MYRIP: variants seen among roughly 807,000 people sequenced by gnomAD.
The protein encoded by MYRIP is rab effector MyRIP.
A neutral mutation model predicts 98.0 loss-of-function variants in MYRIP; 49 were observed. The ratio of observed to expected loss-of-function variants is 0.50; its 90% CI spans 0.40 to 0.63. The LOEUF (loss-of-function observed/expected upper bound fraction) is 0.63. Ranked by LOEUF, MYRIP falls within the 30% of genes least tolerant of loss-of-function variation. The pLI is 0.00. For synonymous variants in MYRIP, 404 were observed against 409.5 expected (o/e 0.99, Z 0.16); for missense variants, 1,004 against 1,058.2 (o/e 0.95, Z 0.71).
At chr3:39,847,921 T>C (rs1351925442) in intron 1 of MYRIP, among the ~76,000 whole-genome samples, 2 of 152,212 alleles carry the variant, frequency 1.3e-5, no homozygotes, top group African/African-American at 4.8e-5. Context: ...AACCTGGGCA[T>C]GATTAGGGCT....
rs1394182664 is a variant in MYRIP, at chr3:40,003,955, A to C, written c.111-40095A>C. Among the ~76,000 whole-genome samples the C allele has an allele frequency of 1.3e-5, 2 of 152,180 alleles. 1 individual carries two copies. Among genetic ancestry groups the C allele is most frequent in the South Asian group, 4.1e-4 (2 of 4,832 alleles). On this transcript the variant is annotated intron_variant, in intron 2 of 16. Coordinates refer to ENST00000302541, the MANE Select transcript of MYRIP (RefSeq NM_015460.4). ...CTGTCAAGTTTATTAATTTCCTGCTATGCCCACCTGCCATCTGTCTTTTCT... is the reference window on the plus strand; with the variant it reads ...CTGTCAAGTTTATTAATTTCCTGCTCTGCCCACCTGCCATCTGTCTTTTCT...
In MYRIP at chr3:40,083,291, G is replaced by A. The variant is rs77253503; in HGVS notation, c.332+39020G>A. Among the ~76,000 whole-genome samples the A allele has an allele frequency of 2.7e-3, 410 of 152,298 alleles. 1 individual carries two copies. Among genetic ancestry groups the A allele is most frequent in the African/African-American group, 9.4e-3 (391 of 41,562 alleles). On this transcript the variant is annotated intron_variant, in intron 3 of 16. Transcript: ENST00000302541. ...TTCAGACAGTAGGGATGACAGATGTGGCATTATAGTTCCTCTTGAAGGATT... is the reference window on the plus strand; with the variant it reads ...TTCAGACAGTAGGGATGACAGATGTAGCATTATAGTTCCTCTTGAAGGATT...
intron 2 of MYRIP, among the ~76,000 whole-genome samples, chr3:39,956,669 A>C (rs1945171526): frequency 6.6e-6 from 1 of 151,972 alleles, no homozygotes; most frequent in Admixed American, 6.5e-5. Flanking sequence ...GGCAAGAAAT[A>C]ACTAAGATCA....
intron 2 of MYRIP, among the ~76,000 whole-genome samples, chr3:39,974,505 T>G (rs1945692342): frequency 6.6e-6 from 1 of 152,178 alleles, no homozygotes; most frequent in Non-Finnish European, 1.5e-5. Flanking sequence ...CTTCTGAAAC[T>G]ATTCCAATCA....
At chr3:39,870,670 A>G (rs887694154) in intron 1 of MYRIP, among the ~76,000 whole-genome samples, 1 of 152,236 alleles carries the variant, frequency 6.6e-6, no homozygotes, top group Non-Finnish European at 1.5e-5. Flanking sequence ...ATGCAAAATC[A>G]GATTTAAATT....
At chr3:39,829,747 C>T (rs568220628) in intron 1 of MYRIP, among the ~76,000 whole-genome samples, 25 of 152,022 alleles carry the variant, frequency 1.6e-4, no homozygotes, top group Non-Finnish European at 2.6e-4. Flanking sequence ...AGTGTAAGCA[C>T]AACTTATATG....
At chr3:40,197,253 C>G (rs2125640638) in intron 10 of MYRIP, among the ~76,000 whole-genome samples, 1 of 152,284 alleles carries the variant, frequency 6.6e-6, no homozygotes, top group East Asian at 1.9e-4. Context: ...CTCTGAGAAT[C>G]TAATGCCACC....
chr3:40,048,824 A>G (rs72871448), intron 3 of MYRIP, among the ~76,000 whole-genome samples: 3,799 of 152,272 alleles, frequency 0.025, 151 homozygotes, highest in African/African-American at 0.084. Flanking sequence ...TAAAAAATTA[A>G]ATGTATTATA....
chr3:40,133,310 A>C, intron 3 of MYRIP, among the ~76,000 whole-genome samples: 1 of 152,360 alleles, frequency 6.6e-6, no homozygotes, highest in African/African-American at 2.4e-5. Context: ...CAGAAAAACC[A>C]ATATGCTGTA....
chr3:40,227,518 A>G (rs981784859), intron 11 of MYRIP, among the ~76,000 whole-genome samples: 3 of 152,096 alleles, frequency 2.0e-5, no homozygotes, highest in African/African-American at 7.2e-5. Context: ...TCTTTATGAA[A>G]TTGTAGTGGC....
chr3:39,993,700 G>T (rs1247959856), intron 2 of MYRIP, among the ~76,000 whole-genome samples: 3 of 152,102 alleles, frequency 2.0e-5, no homozygotes, highest in African/African-American at 7.2e-5. Context: ...CTTTATCTTT[G>T]CCCTACTGAA....
intron 11 of MYRIP, among the ~76,000 whole-genome samples, chr3:40,225,461 G>A (rs1272961571): frequency 6.6e-6 from 1 of 152,128 alleles, no homozygotes; most frequent in African/African-American, 2.4e-5. Context: ...TGGTCTGATT[G>A]TGCACTCAGA....
At chr3:39,867,094 G>GT (rs1204708303) in intron 1 of MYRIP, among the ~76,000 whole-genome samples, 1 of 152,148 alleles carries the variant, frequency 6.6e-6, no homozygotes, top group Admixed American at 6.5e-5. Context: ...AGTTTCTTCA[G>GT]TAAGTGGTGT....
At chr3:40,131,056 G>T (rs566870961) in intron 3 of MYRIP, among the ~76,000 whole-genome samples, 3 of 152,116 alleles carry the variant, frequency 2.0e-5, no homozygotes, top group African/African-American at 7.2e-5. Flanking sequence ...CCATAAAGAT[G>T]GATGGTCCAT....
chr3:40,136,667 A>G (rs1010357516), intron 3 of MYRIP, among the ~76,000 whole-genome samples: 46 of 152,002 alleles, frequency 3.0e-4, no homozygotes, highest in Non-Finnish European at 5.9e-4. Flanking sequence ...AAAAGAACAG[A>G]AATTATAACA....
intron 2 of MYRIP, among the ~76,000 whole-genome samples, chr3:39,954,606 A>G (rs1945109136): frequency 6.6e-6 from 1 of 152,130 alleles, no homozygotes; most frequent in African/African-American, 2.4e-5. Flanking sequence ...AAATCAGAGC[A>G]CCTCTTCTCC....
Position 40,166,865 on chromosome 3 carries a change from C to A in MYRIP, c.570C>A (p.Thr190=), listed in dbSNP as rs199962531. 1.7e-5 allele frequency: 27 copies of A among 1,613,308 alleles called. 1 individual carries two copies. In the Admixed American group the frequency reaches 3.7e-4, roughly 22 times the overall value. ...GTCTAGGACATAGTGTGATGGACAC[C>A]TTGGCTGTGGCCCTACGGGTGGCTG... ...RQSEGHSVMD[T]LAVALRVAEE... Residue 190 remains threonine (T), a synonymous_variant, in exon 6 of 17, where the codon ACC becomes ACA. Transcript: ENST00000302541.
chr3:40,065,098 C>T (rs1239329566), intron 3 of MYRIP, among the ~76,000 whole-genome samples: 1 of 152,198 alleles, frequency 6.6e-6, no homozygotes, highest in African/African-American at 2.4e-5. Context: ...CATGCTCTCT[C>T]TGAAGTCTGT....
chr3:40,181,002 G>C (rs1950870862), intron 8 of MYRIP, among the ~76,000 whole-genome samples: 2 of 152,206 alleles, frequency 1.3e-5, no homozygotes, highest in Non-Finnish European at 2.9e-5. Context: ...CAAGGCCATT[G>C]AGTGCATCTT....
Sources: gnomAD v4.1 joint callset for allele counts (sites outside exome capture counted in the v4.1 genomes callset) on GRCh38, gnomAD v4.1.1 for gene constraint, MANE v1.5 for transcripts, NCBI Gene and HGNC (gene_info 2026-07-23, HGNC 2026-07-21) for gene names.